NRBF2: variants seen among roughly 807,000 people sequenced by gnomAD.
NRBF2 encodes the protein nuclear receptor-binding factor 2.
Under a neutral mutation model 28.5 loss-of-function variants are expected in NRBF2, and 12 were observed. The ratio of observed to expected loss-of-function variants is 0.42; its 90% CI spans 0.27 to 0.68. NRBF2 has a LOEUF of 0.68. Among genes scored for constraint, NRBF2 ranks in the 30% least tolerant of loss-of-function variants. The pLI, the probability that NRBF2 is intolerant of heterozygous loss-of-function variation, is 0.24. For synonymous variants in NRBF2, 102 were observed against 116.5 expected (o/e 0.88, Z 0.80); for missense variants, 274 against 333.5 (o/e 0.82, Z 1.39).
chr10:63,151,854 G>C (rs1233592810), intron 2 of NRBF2, among the ~76,000 whole-genome samples: 1 of 152,100 alleles, frequency 6.6e-6, no homozygotes, highest in African/African-American at 2.4e-5. Flanking sequence ...GTTCTTGTTT[G>C]ATTTTTATCT....
intron 1 of NRBF2, among the ~76,000 whole-genome samples, chr10:63,136,930 G>A (rs1183549041): frequency 1.3e-5 from 2 of 152,146 alleles, no homozygotes; most frequent in Middle Eastern, 3.2e-3. Context: ...TCTGGTTATT[G>A]AAGTTTGTCA....
At chr10:63,151,535 GATA>G (rs1368541653) in intron 2 of NRBF2, among the ~76,000 whole-genome samples, 1 of 152,276 alleles carries the variant, frequency 6.6e-6, no homozygotes, top group East Asian at 1.9e-4. Flanking sequence ...AAAGAGGAAA[GATA>G]ATAATTTTTA....
Position 63,133,375 on chromosome 10 carries a change from C to T in NRBF2, c.-96C>T, listed in dbSNP as rs751282730. 2.8e-6 allele frequency: 4 copies of T among 1,428,118 alleles called. No homozygotes were observed. The highest frequency in any genetic ancestry group is 1.2e-5 in the South Asian group (1 of 85,070). The allele number at this position is 1,428,118 out of a possible 1,614,324, so 88.5% of individuals were successfully genotyped here. A position where few individuals can be genotyped will look rare whatever the true frequency, so the allele number is the denominator to read the frequency against. On this transcript the variant is annotated 5_prime_UTR_variant, in exon 1 of 4. Coordinates refer to ENST00000277746, the MANE Select transcript of NRBF2 (RefSeq NM_030759.5). The stretch of plus-strand genomic sequence containing the variant: ...GCTCTTGGGGCGCAGAGAGGGGCCG[C>T]AGTCTCCGCGGCTGCGTCGAGCTCC...
chr10:63,151,479 G>A (rs930384185), intron 2 of NRBF2, among the ~76,000 whole-genome samples: 1 of 152,104 alleles, frequency 6.6e-6, no homozygotes, highest in Admixed American at 6.5e-5. Flanking sequence ...ATTAGTTCTT[G>A]CATATTTTTT....
intron 1 of NRBF2, among the ~76,000 whole-genome samples, chr10:63,142,550 T>C (rs1841489680): frequency 6.6e-6 from 1 of 152,046 alleles, no homozygotes; most frequent in Non-Finnish European, 1.5e-5. Context: ...TAATACCACT[T>C]GCTTTAATAG....
chr10:63,144,780 A>G (rs992375916), intron 1 of NRBF2, among the ~76,000 whole-genome samples: 6 of 151,980 alleles, frequency 3.9e-5, no homozygotes, highest in Non-Finnish European at 7.4e-5. Context: ...TTATCCATCT[A>G]TCTGTTGATG....
At chr10:63,145,101 CTTTTTTTT>C (rs34823556) in intron 1 of NRBF2, among the ~76,000 whole-genome samples, 1 of 85,908 alleles carries the variant, frequency 1.2e-5, no homozygotes, top group African/African-American at 5.1e-5. Flanking sequence ...TATATTAAAG[CTTTTTTTT>C]TTTTTTTTTT....
chr10:63,138,483 C>CAAAAA (rs35901425), intron 1 of NRBF2, among the ~76,000 whole-genome samples: 1 of 111,478 alleles, frequency 9.0e-6, no homozygotes, highest in Non-Finnish European at 1.8e-5. Flanking sequence ...GACCTTGTCG[C>CAAAAA]AAAAAAAAAA....
chr10:63,139,102 G>C (rs969084673), intron 1 of NRBF2, among the ~76,000 whole-genome samples: 1 of 152,050 alleles, frequency 6.6e-6, no homozygotes, highest in East Asian at 1.9e-4. Flanking sequence ...CTCCGCCTCC[G>C]GGGTTCAAGC....
At chr10:63,148,558 T>C (rs1434357600) in intron 2 of NRBF2, among the ~76,000 whole-genome samples, 1 of 152,158 alleles carries the variant, frequency 6.6e-6, no homozygotes, top group Admixed American at 6.6e-5. Flanking sequence ...ACTGAGAGAA[T>C]TTAAGGGCAA....
Position 63,133,356 on chromosome 10 carries a change from G to T in NRBF2, c.-115G>T, listed in dbSNP as rs550667453. The T allele has an allele frequency of 1.5e-5, 18 of 1,238,960 alleles. No individual in the cohort carries two copies. The Admixed American group carries it at 2.1e-4, about 15-fold the overall frequency. The allele number at this position is 1,238,960 out of a possible 1,614,324, so 76.7% of individuals were successfully genotyped here. A position where few individuals can be genotyped will look rare whatever the true frequency, so the allele number is the denominator to read the frequency against. The stretch of plus-strand genomic sequence containing the variant: ...CCTTCAGCGCCTATCGCTGGCTCTT[G>T]GGGCGCAGAGAGGGGCCGCAGTCTC... On this transcript the variant is annotated 5_prime_UTR_variant, in exon 1 of 4. Coordinates refer to ENST00000277746, the MANE Select transcript of NRBF2 (RefSeq NM_030759.5).
intron 1 of NRBF2, among the ~76,000 whole-genome samples, chr10:63,138,712 C>G (rs1284674688): frequency 1.4e-5 from 2 of 147,298 alleles, no homozygotes; most frequent in Non-Finnish European, 3.0e-5. Flanking sequence ...CCACTGCACT[C>G]CAGCCTGGGC....
chr10:63,143,749 A>AT (rs35270148), intron 1 of NRBF2, among the ~76,000 whole-genome samples: 7,505 of 115,966 alleles, frequency 0.065, 389 homozygotes, highest in East Asian at 0.28. Context: ...ACCATGCCCG[A>AT]TTTTTTTTTT....
chr10:63,150,638 G>A (rs1027615661), intron 2 of NRBF2, among the ~76,000 whole-genome samples: 7 of 151,846 alleles, frequency 4.6e-5, no homozygotes, highest in African/African-American at 1.7e-4. Flanking sequence ...ATAGACCTGG[G>A]GTCAGGAAAA....
chr10:63,140,054 CTT>C (rs1358730922), intron 1 of NRBF2, among the ~76,000 whole-genome samples: 4 of 152,038 alleles, frequency 2.6e-5, no homozygotes, highest in African/African-American at 9.7e-5. Context: ...AGGAGGATCA[CTT>C]GAGCCCAGGA....
At chr10:63,142,327 G>A (rs1367617962) in intron 1 of NRBF2, among the ~76,000 whole-genome samples, 1 of 146,188 alleles carries the variant, frequency 6.8e-6, no homozygotes, top group Non-Finnish European at 1.5e-5. Flanking sequence ...TTTTGAGATG[G>A]AGTTTCACTC....
At chr10:63,134,109 G>A (rs1841338025) in intron 1 of NRBF2, among the ~76,000 whole-genome samples, 1 of 151,820 alleles carries the variant, frequency 6.6e-6, no homozygotes, top group Non-Finnish European at 1.5e-5. Flanking sequence ...GAAAAAGACA[G>A]CCGTTCCTGT....
chr10:63,143,551 G>A (rs1841508488), intron 1 of NRBF2, among the ~76,000 whole-genome samples: 3 of 151,120 alleles, frequency 2.0e-5, no homozygotes, highest in Admixed American at 6.6e-5. Flanking sequence ...TCTGCCTCCC[G>A]GGTTGAAGCG....
chr10:63,138,650 A>G (rs1048958901), intron 1 of NRBF2, among the ~76,000 whole-genome samples: 4 of 151,664 alleles, frequency 2.6e-5, no homozygotes, highest in Non-Finnish European at 5.9e-5. Context: ...AGGCTGAGGC[A>G]GGAGAATGGC....
Sources: gnomAD v4.1 joint callset for allele counts (sites outside exome capture counted in the v4.1 genomes callset) on GRCh38, gnomAD v4.1.1 for gene constraint, MANE v1.5 for transcripts, NCBI Gene and HGNC (gene_info 2026-07-23, HGNC 2026-07-21) for gene names.